The following RINT1 variants were observed in gnomAD, a reference collection of about 807,000 sequenced individuals.
The protein encoded by RINT1 is RAD50-interacting protein 1.
A neutral mutation model predicts 97.7 loss-of-function variants in RINT1; 75 were observed. The observed-to-expected ratio is 0.77, with a 90% CI of 0.64 to 0.93. The LOEUF (loss-of-function observed/expected upper bound fraction) is 0.93. Ranked by LOEUF, RINT1 falls within the 40% of genes least tolerant of loss-of-function variation. The pLI, the probability that RINT1 is intolerant of heterozygous loss-of-function variation, is 0.00. For synonymous variants in RINT1, 303 were observed against 326.3 expected, an observed-to-expected ratio of 0.93 and a Z score of 0.77; for missense variants, 892 against 925.2, an observed-to-expected ratio of 0.96 and a Z score of 0.47.
rs772783852 is a variant in RINT1 at position 105,532,283 on chromosome 7, G to A, written c.-33G>A. 1.7e-5 allele frequency: 26 copies of A among 1,560,906 alleles called. No individual in the cohort carries two copies. Among genetic ancestry groups the A allele is most frequent in the Non-Finnish European group, 2.2e-5 (25 of 1,157,208 alleles). On this transcript the variant is annotated 5_prime_UTR_variant, in exon 1 of 15. Coordinates refer to ENST00000257700, the MANE Select transcript of RINT1 (RefSeq NM_021930.6). Reference sequence around the variant, plus strand: ...CCAGACTCCACAGGCCACGCTGGCTGCGAATGGAGCCGAGGACTCGCGCGG... The same window carrying A: ...CCAGACTCCACAGGCCACGCTGGCTACGAATGGAGCCGAGGACTCGCGCGG...
rs1178344419 is a variant in RINT1, at chr7:105,550,342, C to G, written c.1189C>G (p.Leu397Val). The part of the protein sequence containing the change: ...DIPCLLYDDN[L>V]FCHLVDEVLL... ...TCCTTGTCTGCTATATGATGACAAT[C>G]TCTTCTGTCATTTGGTGGATGAAGT... Residue 397 changes from leucine (L) to valine (V), a missense_variant, in exon 9 of 15, where the codon CTC becomes GTC. Leu to Val is a conservative substitution (Grantham distance 32). Coordinates refer to ENST00000257700, the MANE Select transcript of RINT1 (RefSeq NM_021930.6). 1 of 1,613,754 alleles carries G rather than the reference C, an allele frequency of 6.2e-7. No individual in the cohort carries two copies. The highest frequency in any genetic ancestry group is 1.3e-5 in the African/African-American group (1 of 74,904).
At chr7:105,555,255 A>G (rs772433800) in intron 11 of RINT1, 28 bp downstream of exon 11, 62 of 1,541,686 alleles carry the variant, frequency 4.0e-5, no homozygotes, top group Non-Finnish European at 4.9e-5. Flanking sequence ...TATATTAAGT[A>G]ATATATACTA....
intron 11 of RINT1, among the ~76,000 whole-genome samples, chr7:105,559,540 CAAAAAAAAAAA>C (rs60718751): frequency 5.8e-4 from 34 of 59,036 alleles, no homozygotes; most frequent in African/African-American, 1.9e-3. Flanking sequence ...GACTCTGTCT[CAAAAAAAAAAA>C]AAAAAAAAAA....
At position 105,567,215 on chromosome 7, in the gene RINT1, A is replaced by G. The variant is rs1392411791; in HGVS notation, c.2283A>G (p.Thr761=). The change falls in exon 15 of 15, where the codon ACA becomes ACG. Residue 761 remains threonine (T), a synonymous_variant. Transcript: ENST00000257700. ...LQSASGQLPA[T]AALNEVGIYK... is the part of the protein sequence containing the mutation. ...CAGCTTCAGGGCAGCTTCCTGCCACAGCAGCATTAAATGAAGTTGGAATTT... is the reference window on the plus strand; with the variant it reads ...CAGCTTCAGGGCAGCTTCCTGCCACGGCAGCATTAAATGAAGTTGGAATTT... 6.2e-7 allele frequency: 1 copy of G among 1,613,410 alleles called. No individual in the cohort carries two copies. The highest frequency in any genetic ancestry group is 8.5e-7 in the Non-Finnish European group (1 of 1,179,712).
Position 105,555,208 on chromosome 7 carries a change from C to G in RINT1, c.1652C>G (p.Ala551Gly). Residue 551 changes from alanine to glycine, a missense_variant, in exon 11 of 15, where the codon GCA (alanine) becomes GGA (glycine). Transcript: ENST00000257700. ...GTGAACTACATCTCAACAGTACTAGCAGATTGGGCTGACAATGTTGTGAGT... is the reference window on the plus strand; with the variant it reads ...GTGAACTACATCTCAACAGTACTAGGAGATTGGGCTGACAATGTTGTGAGT... ...NAVNYISTVL[A>G]DWADNVFFLQ... 1 of 1,613,470 alleles carries G rather than the reference C, an allele frequency of 6.2e-7. No homozygotes were observed. The highest frequency in any genetic ancestry group is 8.5e-7 in the Non-Finnish European group (1 of 1,179,674).
chr7:105,564,629 C>G (rs1182220697), intron 12 of RINT1, among the ~76,000 whole-genome samples: 1 of 152,172 alleles, frequency 6.6e-6, no homozygotes, highest in Non-Finnish European at 1.5e-5. Context: ...CCCTGCCACA[C>G]AGAGTGCTTA....
At chr7:105,545,087 A>G (rs1339065124) in intron 4 of RINT1, among the ~76,000 whole-genome samples, 1 of 152,038 alleles carries the variant, frequency 6.6e-6, no homozygotes, top group African/African-American at 2.4e-5. Context: ...TTGTTTCTCT[A>G]GCTTTTCCTA....
chr7:105,547,258 G>A lies in RINT1; in HGVS notation c.764G>A (p.Ser255Asn), dbSNP rs1375598505. 6.2e-7 allele frequency: 1 copy of A among 1,614,090 alleles called. No homozygotes were observed. The highest frequency in any genetic ancestry group is 8.5e-7 in the Non-Finnish European group (1 of 1,180,040). ...CCTCAATCACAAACTGTTGGCTTAA[G>A]TCGACCTGCCAGTGCCCCGGAGATA... is the stretch of plus-strand genomic sequence containing the variant. ...APPQSQTVGL[S>N]RPASAPEIYS... Residue 255 changes from serine (S) to asparagine (N), a missense_variant, in exon 6 of 15, where the codon AGT (serine) becomes AAT (asparagine). Transcript: ENST00000257700.
intron 4 of RINT1, among the ~76,000 whole-genome samples, chr7:105,546,218 A>G (rs2133384397): frequency 6.6e-6 from 1 of 152,346 alleles, no homozygotes; most frequent in Non-Finnish European, 1.5e-5. Flanking sequence ...TTTACCAGAT[A>G]CTACCACATT....
chr7:105,563,924 T>A lies in RINT1; in HGVS notation c.1863T>A (p.Ala621=), dbSNP rs759484807. The A allele has an allele frequency of 6.2e-7, 1 of 1,613,980 alleles. No homozygotes were observed. Among genetic ancestry groups the A allele is most frequent in the South Asian group, 1.1e-5 (1 of 91,068 alleles). The change falls in exon 12 of 15, where the codon GCT becomes GCA. Residue 621 remains alanine (A), a synonymous_variant. Transcript: ENST00000257700. ...VDHVFREVKD[A]AKLYKKERWL... ...ACGTTTTTAGAGAAGTTAAAGATGCTGCAAAATTGTATAAAAAAGAAAGGT... is the reference window on the plus strand; with the variant it reads ...ACGTTTTTAGAGAAGTTAAAGATGCAGCAAAATTGTATAAAAAAGAAAGGT...
chr7:105,545,290 A>T (rs1046907095), intron 4 of RINT1, among the ~76,000 whole-genome samples: 3 of 143,192 alleles, frequency 2.1e-5, no homozygotes, highest in Non-Finnish European at 4.6e-5. Flanking sequence ...ATCTCTGTTT[A>T]AAAAAAAAAA....
At position 105,565,537 on chromosome 7, in the gene RINT1, T is replaced by A; in HGVS notation, c.2075T>A (p.Leu692His). 6.2e-7 allele frequency: 1 copy of A among 1,613,236 alleles called. No homozygotes were observed. The highest frequency in any genetic ancestry group is 8.5e-7 in the Non-Finnish European group (1 of 1,179,414). ...LDVYIYQEII[L>H]ANHFNEGGAA... ...AATTATTCTTTGTTTCAGATAATTC[T>A]TGCTAATCACTTCAATGAAGGAGGA... The change falls in exon 14 of 15, where the codon CTT (leucine) becomes CAT (histidine). Residue 692 changes from leucine to histidine, a missense_variant. Transcript: ENST00000257700.
chr7:105,542,298 G>A (rs1790489010), intron 3 of RINT1, 110 bp from the exon 4 acceptor site: 1 of 773,194 alleles, frequency 1.3e-6, no homozygotes, highest in Non-Finnish European at 2.1e-6. Context: ...TGGTACCACT[G>A]CACTCCAGCC....
rs1030845401 is a variant in RINT1 at position 105,565,331 on chromosome 7, G to A, written c.1941G>A (p.Ser647=). The change falls in exon 13 of 15, where the codon TCG becomes TCA. Residue 647 remains serine, a synonymous_variant. Coordinates refer to ENST00000257700, the MANE Select transcript of RINT1 (RefSeq NM_021930.6). The part of the protein sequence containing the change: ...SEQAVMSLSS[S]ACPLLLTLRD... Reference sequence around the variant, plus strand: ...AGGCAGTGATGTCCCTGTCCAGTTCGGCTTGCCCGTTGCTGCTGACGTTAC... The same window carrying A: ...AGGCAGTGATGTCCCTGTCCAGTTCAGCTTGCCCGTTGCTGCTGACGTTAC... 2.7e-5 allele frequency: 44 copies of A among 1,614,048 alleles called. No individual in the cohort carries two copies. Among genetic ancestry groups the A allele is most frequent in the African/African-American group, 1.1e-4 (8 of 74,916 alleles).
rs1329534805 is a variant in RINT1, at chr7:105,532,256, A to G, written c.-60A>G. The G allele has an allele frequency of 6.5e-7, 1 of 1,534,600 alleles. No homozygotes were observed. The highest frequency in any genetic ancestry group is 8.8e-7 in the Non-Finnish European group (1 of 1,141,436). On this transcript the variant is annotated 5_prime_UTR_variant, in exon 1 of 15. Coordinates refer to ENST00000257700, the MANE Select transcript of RINT1 (RefSeq NM_021930.6). ...GGGTAGTGAGTGTGTCGCTGGCCTT[A>G]GCCAGACTCCACAGGCCACGCTGGC...
chr7:105,547,591 C>T (rs1790723225), intron 6 of RINT1, among the ~76,000 whole-genome samples: 1 of 151,736 alleles, frequency 6.6e-6, no homozygotes, highest in Non-Finnish European at 1.5e-5. Context: ...CTTGGGGCAA[C>T]AGAACAAATG....
At chr7:105,535,374 C>T (rs763749991) in intron 2 of RINT1, among the ~76,000 whole-genome samples, 12 of 151,628 alleles carry the variant, frequency 7.9e-5, no homozygotes, top group South Asian at 2.1e-4. Flanking sequence ...GGACTATAAG[C>T]GTGCACCGCC....
chr7:105,554,391 A>T (rs897544793), intron 10 of RINT1, among the ~76,000 whole-genome samples: 1 of 151,582 alleles, frequency 6.6e-6, no homozygotes, highest in African/African-American at 2.4e-5. Context: ...TTTCTTTTTT[A>T]AAAAAATGCT....
chr7:105,546,221 A>G (rs1276152675), intron 4 of RINT1, among the ~76,000 whole-genome samples: 2 of 152,350 alleles, frequency 1.3e-5, no homozygotes, highest in East Asian at 3.9e-4. Flanking sequence ...ACCAGATACT[A>G]CCACATTATT....
Sources: allele counts gnomAD v4.1 joint callset (sites outside exome capture counted in the v4.1 genomes callset), GRCh38; gene constraint gnomAD v4.1.1; transcripts MANE v1.5; gene names NCBI Gene and HGNC (gene_info 2026-07-23, HGNC 2026-07-21).